TRPM3: variants seen among roughly 807,000 people sequenced by gnomAD.
TRPM3 encodes long transient receptor potential channel 3.
In TRPM3, 77 loss-of-function variants were observed where a neutral mutation model predicts 181.2. The observed-to-expected ratio is 0.42, with a 90% CI of 0.35 to 0.51. TRPM3 has a LOEUF of 0.51. TRPM3 is among the 20% of genes least tolerant of loss of function. The pLI, the probability that TRPM3 is intolerant of heterozygous loss-of-function variation, is 0.01. For missense variants in TRPM3, 1,759 were observed against 2,196.7 expected (o/e 0.80, Z 3.98); for synonymous variants, 745 against 796.4 (o/e 0.94, Z 1.09).
At chr9:70,686,703 TTCC>T in intron 8 of TRPM3, among the ~76,000 whole-genome samples, 1 of 100,914 alleles carries the variant, frequency 9.9e-6, no homozygotes, top group African/African-American at 4.0e-5. Flanking sequence ...CCTTCCTTCC[TTCC>T]TTCCTTCCTT....
intron 1 of TRPM3, among the ~76,000 whole-genome samples, chr9:71,275,350 A>C (rs2084115756): frequency 6.6e-6 from 1 of 152,232 alleles, no homozygotes; most frequent in South Asian, 2.1e-4. Flanking sequence ...TCAATGGTGA[A>C]AATTGTAACA....
chr9:70,852,680 A>G (rs780391907), intron 3 of TRPM3, among the ~76,000 whole-genome samples: 3 of 152,120 alleles, frequency 2.0e-5, no homozygotes, highest in Non-Finnish European at 4.4e-5. Context: ...TTATTTCTCA[A>G]TTAAAATTCT....
intron 1 of TRPM3, among the ~76,000 whole-genome samples, chr9:71,286,827 G>A (rs1220802196): frequency 2.0e-5 from 3 of 150,854 alleles, no homozygotes; most frequent in Admixed American, 6.6e-5. Context: ...AACCCCTTCC[G>A]CCTGCCTGGA....
At chr9:71,092,061 T>C (rs911540474) in intron 1 of TRPM3, among the ~76,000 whole-genome samples, 1 of 152,210 alleles carries the variant, frequency 6.6e-6, no homozygotes, top group African/African-American at 2.4e-5. Flanking sequence ...TTCTAATGGA[T>C]AGTGAGTCTC....
intron 1 of TRPM3, among the ~76,000 whole-genome samples, chr9:71,264,045 A>G (rs924569009): frequency 3.3e-5 from 5 of 152,132 alleles, no homozygotes; most frequent in African/African-American, 1.2e-4. Context: ...CTGTCTTCCA[A>G]ACCTCTCAAA....
At chr9:71,081,950 C>A (rs1314173640) in intron 1 of TRPM3, among the ~76,000 whole-genome samples, 1 of 151,816 alleles carries the variant, frequency 6.6e-6, no homozygotes, top group Non-Finnish European at 1.5e-5. Flanking sequence ...ACCTACCCAC[C>A]AATCTTTTAT....
chr9:70,833,070 T>C (rs2094055176), intron 5 of TRPM3, among the ~76,000 whole-genome samples: 1 of 152,224 alleles, frequency 6.6e-6, no homozygotes, highest in African/African-American at 2.4e-5. Context: ...GACTAATTTC[T>C]GTTTCCTGCC....
intron 1 of TRPM3, among the ~76,000 whole-genome samples, chr9:71,432,829 C>A (rs1317663938): frequency 6.6e-6 from 1 of 152,044 alleles, no homozygotes; most frequent in Non-Finnish European, 1.5e-5. Flanking sequence ...AATGTCAGGT[C>A]CAATTATACA....
At chr9:70,857,542 A>G (rs2095418013) in intron 3 of TRPM3, among the ~76,000 whole-genome samples, 1 of 152,140 alleles carries the variant, frequency 6.6e-6, no homozygotes, top group African/African-American at 2.4e-5. Flanking sequence ...AGCTAGAAAC[A>G]TAATAATAAT....
At chr9:70,646,651 G>A (rs1267240367) in intron 9 of TRPM3, among the ~76,000 whole-genome samples, 1 of 151,896 alleles carries the variant, frequency 6.6e-6, no homozygotes, top group African/African-American at 2.4e-5. Context: ...AAACCAGCAT[G>A]GCACATGTAT....
chr9:71,210,406 A>C (rs148111242), intron 1 of TRPM3, among the ~76,000 whole-genome samples: 1,835 of 152,266 alleles, frequency 0.012, 11 homozygotes, highest in Middle Eastern at 0.02. Flanking sequence ...AATGTAATGC[A>C]CTTGAATCAT....
At chr9:71,348,633 A>C (rs1388152314) in intron 1 of TRPM3, among the ~76,000 whole-genome samples, 2 of 151,600 alleles carry the variant, frequency 1.3e-5, no homozygotes, top group South Asian at 2.1e-4. Flanking sequence ...GCAGTGTCGC[A>C]ATCTCCGCTC....
chr9:71,187,652 C>A (rs1008522609), intron 1 of TRPM3, among the ~76,000 whole-genome samples: 1 of 151,852 alleles, frequency 6.6e-6, no homozygotes. Context: ...ACTATACACT[C>A]TTTATAAAAT....
intron 1 of TRPM3, among the ~76,000 whole-genome samples, chr9:71,147,691 G>C (rs1368070431): frequency 6.6e-6 from 1 of 152,150 alleles, no homozygotes; most frequent in East Asian, 1.9e-4. Context: ...CATTTCAAGT[G>C]TTCTAATCAC....
At chr9:70,696,655 C>T (rs992904051) in intron 8 of TRPM3, among the ~76,000 whole-genome samples, 1 of 152,194 alleles carries the variant, frequency 6.6e-6, no homozygotes, top group Non-Finnish European at 1.5e-5. Flanking sequence ...AGGGCCAATG[C>T]CAGGACATTC....
intron 1 of TRPM3, among the ~76,000 whole-genome samples, chr9:70,976,347 T>C (rs1330521200): frequency 3.9e-5 from 6 of 152,190 alleles, no homozygotes; most frequent in Non-Finnish European, 7.4e-5. Flanking sequence ...AGCTAGTGAT[T>C]TTTTTACTCC....
intron 19 of TRPM3, among the ~76,000 whole-genome samples, chr9:70,604,085 C>CAACA (rs1007391016): frequency 1.3e-5 from 2 of 152,212 alleles, no homozygotes; most frequent in African/African-American, 4.8e-5. Context: ...TTCATTGAAA[C>CAACA]AACACAAGAA....
intron 1 of TRPM3, among the ~76,000 whole-genome samples, chr9:71,013,995 A>AGT (rs572374020): frequency 8.5e-4 from 129 of 151,486 alleles, no homozygotes; most frequent in Middle Eastern, 3.4e-3. Context: ...TTCCTTACGG[A>AGT]GTGTTTTTGG....
At chr9:71,308,220 A>G (rs2087563213) in intron 1 of TRPM3, among the ~76,000 whole-genome samples, 1 of 151,956 alleles carries the variant, frequency 6.6e-6, no homozygotes, top group African/African-American at 2.4e-5. Flanking sequence ...TGCCCTCCAA[A>G]TCAATAATTT....
Sources: gnomAD v4.1 joint callset for allele counts (sites outside exome capture counted in the v4.1 genomes callset) on GRCh38, gnomAD v4.1.1 for gene constraint, MANE v1.5 for transcripts, NCBI Gene and HGNC (gene_info 2026-07-23, HGNC 2026-07-21) for gene names.